Variants in PPARGC1A observed in about 807,000 individuals in gnomAD.
The protein encoded by PPARGC1A is peroxisome proliferator-activated receptor gamma coactivator 1-alpha.
Under a neutral mutation model 88.7 loss-of-function variants are expected in PPARGC1A, and 25 were observed. That is an observed-to-expected ratio of 0.28 (90% CI 0.21 to 0.39). The LOEUF is 0.39. Among genes scored for constraint, PPARGC1A ranks in the 10% least tolerant of loss-of-function variants. The probability of loss-of-function intolerance (pLI) is 1.00; values close to 1 mark genes in which losing one functional copy is unlikely to be tolerated. For missense variants in PPARGC1A, 880 were observed against 968.7 expected (o/e 0.91, Z 1.22); for synonymous variants, 363 against 355.6 (o/e 1.02, Z -0.24).
chr4:24,112,916 A>G, the PPARGC1A span, among the ~76,000 whole-genome samples: 2 of 152,328 alleles, frequency 1.3e-5, no homozygotes, highest in East Asian at 3.9e-4. Flanking sequence ...CCGGGCCAAG[A>G]GAAGCTGTCA....
At chr4:23,857,942 C>T (rs935473385) in intron 2 of PPARGC1A, among the ~76,000 whole-genome samples, 2 of 151,324 alleles carry the variant, frequency 1.3e-5, no homozygotes, top group East Asian at 4.0e-4. Flanking sequence ...AGAGTTGATT[C>T]TTTGTTTTCT....
chr4:23,936,155 T>C, the PPARGC1A span, among the ~76,000 whole-genome samples: 3 of 152,222 alleles, frequency 2.0e-5, no homozygotes, highest in Admixed American at 6.5e-5. Context: ...ACCAAAATGA[T>C]TGGCGAATCA....
the PPARGC1A span, among the ~76,000 whole-genome samples, chr4:24,153,320 T>C: frequency 5.9e-5 from 9 of 152,024 alleles, no homozygotes; most frequent in East Asian, 9.7e-4. Context: ...AGAAATAAAA[T>C]AATTTAGAAA....
At chr4:24,030,660 C>T in the PPARGC1A span, among the ~76,000 whole-genome samples, 1 of 152,212 alleles carries the variant, frequency 6.6e-6, no homozygotes, top group African/African-American at 2.4e-5. Flanking sequence ...ATGCCCTCAA[C>T]TCTCATCAGC....
chr4:23,957,064 C>G, the PPARGC1A span, among the ~76,000 whole-genome samples: 1 of 152,104 alleles, frequency 6.6e-6, no homozygotes, highest in South Asian at 2.1e-4. Flanking sequence ...ATTCTAACCA[C>G]TACAAGATAC....
the PPARGC1A span, among the ~76,000 whole-genome samples, chr4:23,991,741 G>A: frequency 2.6e-5 from 4 of 151,912 alleles, no homozygotes; most frequent in Non-Finnish European, 5.9e-5. Context: ...AGGCATGGCA[G>A]AAATGTGAGC....
the PPARGC1A span, among the ~76,000 whole-genome samples, chr4:24,223,332 C>T: frequency 1.3e-5 from 2 of 151,188 alleles, no homozygotes; most frequent in African/African-American, 2.4e-5. Context: ...CAACTGCAAC[C>T]TCTGCCTCCC....
intron 2 of PPARGC1A, chr4:23,882,556 A>T (rs1716154330): frequency 6.6e-6 from 1 of 152,134 alleles, no homozygotes; most frequent in South Asian, 2.1e-4. Flanking sequence ...ACAACCAAAC[A>T]TGCCTCCAGA....
At chr4:24,136,619 C>T in the PPARGC1A span, among the ~76,000 whole-genome samples, 1 of 152,124 alleles carries the variant, frequency 6.6e-6, no homozygotes, top group Non-Finnish European at 1.5e-5. Flanking sequence ...GAGAAGAGCT[C>T]ACATCTTGGC....
chr4:23,976,000 A>T, the PPARGC1A span, among the ~76,000 whole-genome samples: 3 of 152,264 alleles, frequency 2.0e-5, no homozygotes, highest in Non-Finnish European at 4.4e-5. Flanking sequence ...AATAAATGTT[A>T]GCAATAATGA....
intron 2 of PPARGC1A, among the ~76,000 whole-genome samples, chr4:23,873,209 ATAAAAAATAAAAAAT>A (rs1713904308): frequency 2.1e-5 from 3 of 142,818 alleles, no homozygotes; most frequent in Non-Finnish European, 3.1e-5. Flanking sequence ...AAAATAAAAA[ATAAAAAATAAAAAAT>A]AAAGAAAAAA....
chr4:24,129,586 G>A, the PPARGC1A span, among the ~76,000 whole-genome samples: 3 of 152,152 alleles, frequency 2.0e-5, no homozygotes, highest in Admixed American at 2.0e-4. Context: ...AGTCAGTGTG[G>A]CAATTCCTCA....
At chr4:24,366,729 C>T in the PPARGC1A span, among the ~76,000 whole-genome samples, 4 of 152,228 alleles carry the variant, frequency 2.6e-5, no homozygotes, top group Middle Eastern at 3.4e-3. Flanking sequence ...GGCTATTTTC[C>T]GTCATCACCC....
chr4:23,828,297 G>T, intron 5 of PPARGC1A, 103 bp downstream of exon 5: 1 of 1,210,438 alleles, frequency 8.3e-7, no homozygotes, highest in Non-Finnish European at 1.2e-6. Flanking sequence ...ACAGAGTGAC[G>T]CTGATGGGAC....
the PPARGC1A span, among the ~76,000 whole-genome samples, chr4:24,160,921 C>T: frequency 1.3e-5 from 2 of 152,136 alleles, no homozygotes; most frequent in East Asian, 3.9e-4. Flanking sequence ...TGGCTGAAGG[C>T]TTCAGAGGCA....
the PPARGC1A span, among the ~76,000 whole-genome samples, chr4:24,469,657 A>G: frequency 6.6e-6 from 1 of 152,222 alleles, no homozygotes; most frequent in South Asian, 2.1e-4. Flanking sequence ...CAGCTGCTTT[A>G]TCAGAAATTC....
the PPARGC1A span, among the ~76,000 whole-genome samples, chr4:24,168,296 A>G: frequency 1.3e-5 from 2 of 152,182 alleles, no homozygotes; most frequent in Non-Finnish European, 2.9e-5. Flanking sequence ...TGTCTTGCCC[A>G]TGTTCACAGG....
chr4:23,899,731 G>A (rs1304398417), upstream of PPARGC1A, among the ~76,000 whole-genome samples: 4 of 152,166 alleles, frequency 2.6e-5, no homozygotes, highest in African/African-American at 4.8e-5. Flanking sequence ...AACCTAGGCG[G>A]CTGCAAATCA....
chr4:24,229,801 C>A, the PPARGC1A span, among the ~76,000 whole-genome samples: 1 of 147,032 alleles, frequency 6.8e-6, no homozygotes, highest in Non-Finnish European at 1.5e-5. Flanking sequence ...GCCAAGATGG[C>A]GTCATTGCAT....
Sources: allele counts gnomAD v4.1 joint callset (sites outside exome capture counted in the v4.1 genomes callset), GRCh38; gene constraint gnomAD v4.1.1; transcripts MANE v1.5; gene names NCBI Gene and HGNC (gene_info 2026-07-23, HGNC 2026-07-21).